The following XKRX variants were observed in gnomAD, a reference collection of about 807,000 sequenced individuals.
XKRX encodes the protein XK related X-linked, also known as XK-related protein 2.
In XKRX, 11 loss-of-function variants were observed where a neutral mutation model predicts 22.4. That is an observed-to-expected ratio of 0.49 (90% CI 0.31 to 0.81). The LOEUF is 0.81. XKRX is among the 40% of genes least tolerant of loss of function. XKRX has a pLI of 0.05. For missense variants in XKRX, 320 were observed against 336.5 expected (o/e 0.95, Z 0.38); for synonymous variants, 114 against 132.2 (o/e 0.86, Z 0.94).
Position 100,928,884 on chromosome X carries a change from T to G in XKRX, c.-580A>C, listed in dbSNP as rs1171532555. Reference sequence around the variant, plus strand: ...CTATTGCTAGGCTGTAGCTATCAGCTGGCCCGCTCACCTGCGCGCTCTCAG... The same window carrying G: ...CTATTGCTAGGCTGTAGCTATCAGCGGGCCCGCTCACCTGCGCGCTCTCAG... On this transcript the variant is annotated 5_prime_UTR_variant, in exon 1 of 3. Coordinates refer to ENST00000372956, the MANE Select transcript of XKRX (RefSeq NM_212559.3). 10 of 744,544 alleles carry G rather than the reference T, an allele frequency of 1.3e-5. No homozygotes were observed. The highest frequency in any genetic ancestry group is 8.8e-5 in the Admixed American group (1 of 11,403). 61.4% of individuals were successfully genotyped at this position (744,544 alleles called of 1,213,427 possible).
chrX:100,945,486 G>C, the XKRX span, among the ~76,000 whole-genome samples: 1 of 111,774 alleles, frequency 8.9e-6, no homozygotes, highest in Non-Finnish European at 1.9e-5. Flanking sequence ...TTCTAATTTA[G>C]TAGGCATGAG....
In XKRX at chrX:100,928,874, A is replaced by C. The variant is rs2085510196; in HGVS notation, c.-570T>G. Reference sequence around the variant, plus strand: ...GGTATCCTAGCTATTGCTAGGCTGTAGCTATCAGCTGGCCCGCTCACCTGC... The same window carrying C: ...GGTATCCTAGCTATTGCTAGGCTGTCGCTATCAGCTGGCCCGCTCACCTGC... On this transcript the variant is annotated 5_prime_UTR_variant, in exon 1 of 3. Coordinates refer to ENST00000372956, the MANE Select transcript of XKRX (RefSeq NM_212559.3). 1 of 750,256 alleles carries C rather than the reference A, an allele frequency of 1.3e-6. No homozygotes were observed. The highest frequency in any genetic ancestry group is 1.6e-6 in the Non-Finnish European group (1 of 635,729). The allele number at this position is 750,256 out of a possible 1,213,427, so 61.8% of individuals were successfully genotyped here. A position where few individuals can be genotyped will look rare whatever the true frequency, so the allele number is the denominator to read the frequency against.
At chrX:100,911,373 T>C (rs191409754), downstream of XKRX, 4,487 of 796,845 alleles carry the variant, frequency 5.6e-3, 15 homozygotes, top group Non-Finnish European at 7.5e-3. Context: ...GTCATTGAGG[T>C]AAATGTGAGC....
chrX:100,930,317 A>ATAG (rs1450998022), upstream of XKRX, among the ~76,000 whole-genome samples: 1 of 99,095 alleles, frequency 1.0e-5, no homozygotes, highest in Non-Finnish European at 2.0e-5. Context: ...AATAATAATA[A>ATAG]TAATAATAAT....
chrX:100,887,794 C>T, the XKRX span: 13 of 958,569 alleles, frequency 1.4e-5, no homozygotes, highest in Admixed American at 4.4e-5. Flanking sequence ...TGAAGACTGA[C>T]TGTTGTAATT....
At chrX:100,945,402 A>G in the XKRX span, among the ~76,000 whole-genome samples, 1 of 112,302 alleles carries the variant, frequency 8.9e-6, no homozygotes, top group Non-Finnish European at 1.9e-5. Flanking sequence ...TATGGGCATG[A>G]GCTACCATGT....
chrX:100,891,763 AAAAGAAAGAAAG>A, the XKRX span, among the ~76,000 whole-genome samples: 8 of 59,197 alleles, frequency 1.4e-4, no homozygotes, highest in South Asian at 2.1e-3. Flanking sequence ...AAGAAAGAAG[AAAAGAAAGAAAG>A]AAAGAAAGAA....
the XKRX span, among the ~76,000 whole-genome samples, chrX:100,899,475 A>G: frequency 8.9e-6 from 1 of 112,659 alleles, no homozygotes. Context: ...AGATCATGCC[A>G]CTGCACTCCA....
In XKRX at chrX:100,928,134, G is replaced by C. The variant is rs1226725942; in HGVS notation, c.171C>G (p.Ile57Met). ...AGTAAGTTTCACTATTCTTTCGATA[G>C]ATTCTAACCATGTACAAAGCAGATG... ...EAASALYMVR[I>M]YRKNSETYWM... is the part of the protein sequence containing the mutation. The change falls in exon 1 of 3, where the codon ATC becomes ATG. Residue 57 changes from isoleucine to methionine, a missense_variant. Transcript: ENST00000372956. The C allele has an allele frequency of 8.3e-6, 10 of 1,209,842 alleles. No individual in the cohort carries two copies. The highest frequency in any genetic ancestry group is 1.1e-5 in the Non-Finnish European group (10 of 895,146).
At chrX:100,896,062 G>T in the XKRX span, among the ~76,000 whole-genome samples, 1 of 111,589 alleles carries the variant, frequency 9.0e-6, no homozygotes, top group Non-Finnish European at 1.9e-5. Flanking sequence ...TGGTGAGGGA[G>T]GTGAAGTCTC....
At chrX:100,903,065 A>G in the XKRX span, among the ~76,000 whole-genome samples, 1 of 109,922 alleles carries the variant, frequency 9.1e-6, no homozygotes, top group Non-Finnish European at 1.9e-5. Context: ...ATCTATTTAA[A>G]AAAAAAAACA....
the XKRX span, among the ~76,000 whole-genome samples, chrX:100,941,091 C>T: frequency 8.9e-6 from 1 of 111,967 alleles, no homozygotes; most frequent in South Asian, 3.7e-4. Context: ...TAAGTCTCTA[C>T]TGTCTGACCC....
the XKRX span, among the ~76,000 whole-genome samples, chrX:100,908,145 C>T: frequency 1.3e-3 from 12 of 9,181 alleles, no homozygotes; most frequent in South Asian, 4.9e-3. Context: ...GTGTTTGAAA[C>T]GGAGTCTCAC....
chrX:100,937,549 A>C, the XKRX span, among the ~76,000 whole-genome samples: 1 of 111,854 alleles, frequency 8.9e-6, no homozygotes, highest in Non-Finnish European at 1.9e-5. Context: ...CTATACTTCG[A>C]GAAAAACTGT....
chrX:100,950,774 G>A, the XKRX span, among the ~76,000 whole-genome samples: 1 of 112,092 alleles, frequency 8.9e-6, no homozygotes, highest in East Asian at 2.8e-4. Flanking sequence ...TGAAAATTAA[G>A]CAACACACAT....
At chrX:100,952,698 TA>T in the XKRX span, among the ~76,000 whole-genome samples, 151 of 111,933 alleles carry the variant, frequency 1.3e-3, 2 homozygotes, top group African/African-American at 4.7e-3. Context: ...TAAAGGGAAT[TA>T]TGTTGAGTGG....
the XKRX span, among the ~76,000 whole-genome samples, chrX:100,956,336 G>A: frequency 8.1e-5 from 9 of 111,663 alleles, no homozygotes; most frequent in African/African-American, 2.9e-4. Context: ...TGCACATCCT[G>A]CATGTATACC....
the XKRX span, among the ~76,000 whole-genome samples, chrX:100,891,395 C>CA: frequency 9.9e-5 from 11 of 110,692 alleles, no homozygotes; most frequent in East Asian, 2.8e-3. Context: ...CCATCCTGAA[C>CA]AAAAAGAACA....
At chrX:100,934,602 C>G in the XKRX span, among the ~76,000 whole-genome samples, 1 of 111,966 alleles carries the variant, frequency 8.9e-6, no homozygotes, top group African/African-American at 3.2e-5. Context: ...TGGTGTGTGA[C>G]CAAACAACTG....
Sources: allele counts gnomAD v4.1 joint callset (sites outside exome capture counted in the v4.1 genomes callset), GRCh38; gene constraint gnomAD v4.1.1; transcripts MANE v1.5; gene names NCBI Gene and HGNC (gene_info 2026-07-23, HGNC 2026-07-21).